Variants in ZNF708 observed in about 807,000 individuals in gnomAD.
ZNF708 encodes the protein ZNF15, ZNF15L1.
Under a neutral mutation model 47.0 loss-of-function variants are expected in ZNF708, and 44 were observed. That is an observed-to-expected ratio of 0.94 (90% CI 0.74 to 1.20). The LOEUF is 1.20. ZNF708 is among the 50% of genes most tolerant of loss of function. The pLI is 0.00. For synonymous variants in ZNF708, 184 were observed against 218.5 expected (o/e 0.84, Z 1.39); for missense variants, 557 against 656.0 (o/e 0.85, Z 1.65).
At chr19:21,316,244 C>A (rs550147195) in intron 1 of ZNF708, among the ~76,000 whole-genome samples, 24 of 150,222 alleles carry the variant, frequency 1.6e-4, no homozygotes, top group Admixed American at 2.7e-4. Flanking sequence ...CCTGCCTCAG[C>A]CTCCCGAGTA....
At chr19:21,326,326 A>G (rs1973254780) in intron 1 of ZNF708, among the ~76,000 whole-genome samples, 1 of 152,220 alleles carries the variant, frequency 6.6e-6, no homozygotes. Flanking sequence ...ATCCTCATCA[A>G]TCAATGAATG....
chr19:21,317,433 G>C (rs967237339), intron 1 of ZNF708, among the ~76,000 whole-genome samples: 30 of 152,222 alleles, frequency 2.0e-4, no homozygotes, highest in Admixed American at 2.0e-3. Context: ...ATTTAGGGAA[G>C]AGCGTGCACT....
intron 1 of ZNF708, among the ~76,000 whole-genome samples, chr19:21,321,194 A>C (rs892278638): frequency 2.0e-5 from 3 of 152,100 alleles, no homozygotes. Context: ...AGAAAACCAA[A>C]TGCATGTTCT....
intron 3 of ZNF708, among the ~76,000 whole-genome samples, 157 bp downstream of exon 3, chr19:21,309,089 A>G (rs1375820343): frequency 6.6e-6 from 1 of 152,208 alleles, no homozygotes; most frequent in Non-Finnish European, 1.5e-5. Flanking sequence ...ATTTAAAAGC[A>G]TAAGACAGAA....
chr19:21,313,486 G>A (rs187223011), intron 1 of ZNF708, among the ~76,000 whole-genome samples: 99 of 152,018 alleles, frequency 6.5e-4, no homozygotes, highest in African/African-American at 2.3e-3. Context: ...AAAGCCAGGC[G>A]CGGTGGTTCA....
chr19:21,308,326 C>G (rs764042029), intron 3 of ZNF708, among the ~76,000 whole-genome samples: 2 of 149,554 alleles, frequency 1.3e-5, no homozygotes, highest in Non-Finnish European at 3.0e-5. Context: ...ATTGCCAAGG[C>G]TGGAGTGCAG....
chr19:21,307,439 C>T (rs1012920063), intron 3 of ZNF708, among the ~76,000 whole-genome samples: 2 of 152,068 alleles, frequency 1.3e-5, no homozygotes, highest in Non-Finnish European at 2.9e-5. Context: ...GCCTTACCAA[C>T]ATGGTGAAAC....
chr19:21,296,237 G>A (rs1055986492), intron 3 of ZNF708, among the ~76,000 whole-genome samples: 1 of 151,712 alleles, frequency 6.6e-6, no homozygotes, highest in African/African-American at 2.4e-5. Context: ...ACAGTGGCTC[G>A]TGCCTGTAAT....
chr19:21,326,477 G>T (rs925512455), intron 1 of ZNF708, among the ~76,000 whole-genome samples: 9 of 152,158 alleles, frequency 5.9e-5, no homozygotes, highest in Admixed American at 3.9e-4. Flanking sequence ...ACCAAACATG[G>T]TATGTTCTGT....
chr19:21,306,949 G>GA (rs943046324), intron 3 of ZNF708: 2 of 126,516 alleles, frequency 1.6e-5, no homozygotes, highest in East Asian at 2.3e-4. Flanking sequence ...CATCTCAAAA[G>GA]AAAAATAACA....
chr19:21,307,167 AAATAAAATAAAATAC>A (rs1972799660), intron 3 of ZNF708, among the ~76,000 whole-genome samples: 3 of 147,460 alleles, frequency 2.0e-5, no homozygotes, highest in South Asian at 2.1e-4. Flanking sequence ...ATATAAAATA[AAATAAAATAAAATAC>A]AATAAAATAC....
chr19:21,321,622 T>TGGGGA (rs1304863200), intron 1 of ZNF708, among the ~76,000 whole-genome samples: 1 of 28,598 alleles, frequency 3.5e-5, no homozygotes, highest in Admixed American at 5.4e-4. Flanking sequence ...AGGGAGAGGA[T>TGGGGA]GGGGAGGGGA....
In ZNF708 at chr19:21,293,323, G is replaced by T; in HGVS notation, c.1643C>A (p.Thr548Asn). The change falls in exon 4 of 4, where the codon ACT becomes AAT. Residue 548 changes from threonine (T) to asparagine (N), a missense_variant. By Grantham distance (65) the Thr-to-Asn change is moderately conservative. Transcript: ENST00000356929. ...GKAFNQSPNL[T>N]KHKRIHTKEK... ...TTTGGTATGAATTCTCTTATGTTTA[G>T]TAAGGTTTGGGGACTGGTTAAAGGC... 1.2e-6 allele frequency: 2 copies of T among 1,612,290 alleles called. No homozygotes were observed. The highest frequency in any genetic ancestry group is 2.2e-5 in the South Asian group (2 of 90,966).
At chr19:21,295,761 T>C (rs889386124) in intron 3 of ZNF708, among the ~76,000 whole-genome samples, 24 of 151,536 alleles carry the variant, frequency 1.6e-4, no homozygotes, top group African/African-American at 5.1e-4. Flanking sequence ...AAAAAGATTG[T>C]GACAGGTAGC....
In ZNF708 at chr19:21,293,402, G is replaced by C; in HGVS notation, c.1564C>G (p.His522Asp). 1 of 1,613,462 alleles carries C rather than the reference G, an allele frequency of 6.2e-7. No individual in the cohort carries two copies. Among genetic ancestry groups the C allele is most frequent in the Non-Finnish European group, 8.5e-7 (1 of 1,179,824 alleles). ...AFNQSSTLMK[H>D]KIIHTGEKPY... Reference sequence around the variant, plus strand: ...TTCTCTCCAGTATGAATTATCTTATGTTTCATAAGGGTTGAGGACTGGTTA... The same window carrying C: ...TTCTCTCCAGTATGAATTATCTTATCTTTCATAAGGGTTGAGGACTGGTTA... Residue 522 changes from histidine (H) to aspartate (D), a missense_variant, in exon 4 of 4, where the codon CAT becomes GAT. By Grantham distance (81) the His-to-Asp change is moderately conservative (BLOSUM62 -1). Coordinates refer to ENST00000356929, the MANE Select transcript of ZNF708 (RefSeq NM_021269.3).
rs760318274 is a variant in ZNF708 at position 21,297,299 on chromosome 19, T to TTC, written c.227-2561_227-2560insGA. On this transcript the variant is annotated intron_variant, in intron 3 of 3. Transcript: ENST00000356929. Reference sequence around the variant, plus strand: ...TTTTTTTTTTTTTTTTTTTTTTTTTTCAGATGGAGTCTCACTCTGTCGCCC... The same window carrying TTC: ...TTTTTTTTTTTTTTTTTTTTTTTTTTTCCAGATGGAGTCTCACTCTGTCGCCC... Among the ~76,000 whole-genome samples the TTC allele has an allele frequency of 2.2e-3, 194 of 89,162 alleles. 56 individuals carry two copies. The highest frequency in any genetic ancestry group is 4.1e-3 in the Non-Finnish European group (165 of 40,208). The allele number at this position is 89,162 out of a possible 152,430, so 58.5% of individuals were successfully genotyped here. A position where few individuals can be genotyped will look rare whatever the true frequency, so the allele number is the denominator to read the frequency against.
At chr19:21,297,114 C>T (rs1972540453) in intron 3 of ZNF708, among the ~76,000 whole-genome samples, 1 of 150,274 alleles carries the variant, frequency 6.7e-6, no homozygotes, top group Admixed American at 6.7e-5. Context: ...GCCTGGGTGA[C>T]AGAGCAAGAC....
chr19:21,307,427 C>T (rs1194627318), intron 3 of ZNF708, among the ~76,000 whole-genome samples: 1 of 151,974 alleles, frequency 6.6e-6, no homozygotes, highest in East Asian at 1.9e-4. Flanking sequence ...AGTTCAAGAC[C>T]AGCCTTACCA....
In ZNF708 at chr19:21,329,335, G is replaced by A. The variant is rs1012200978; in HGVS notation, c.-123C>T. 2 of 1,466,226 alleles carry A rather than the reference G, an allele frequency of 1.4e-6. No homozygotes were observed. The highest frequency in any genetic ancestry group is 1.8e-5 in the Admixed American group (1 of 56,916). The allele number at this position is 1,466,226 out of a possible 1,614,324, so 90.8% of individuals were successfully genotyped here. A position where few individuals can be genotyped will look rare whatever the true frequency, so the allele number is the denominator to read the frequency against. On this transcript the variant is annotated 5_prime_UTR_variant, in exon 1 of 4. Transcript: ENST00000356929. ...AAACAGCAGTGAAGACGAGACCGGAGCTCCGGCTGCAGCAAGAGACAAAGG... is the reference window on the plus strand; with the variant it reads ...AAACAGCAGTGAAGACGAGACCGGAACTCCGGCTGCAGCAAGAGACAAAGG...
Sources: gnomAD v4.1 joint callset for allele counts (sites outside exome capture counted in the v4.1 genomes callset) on GRCh38, gnomAD v4.1.1 for gene constraint, MANE v1.5 for transcripts, NCBI Gene and HGNC (gene_info 2026-07-23, HGNC 2026-07-21) for gene names.